TUSC3: variants seen among roughly 807,000 people sequenced by gnomAD.
TUSC3 encodes tumor suppressor candidate 3.
A neutral mutation model predicts 44.8 loss-of-function variants in TUSC3; 45 were observed. That is an observed-to-expected ratio of 1.00 (90% CI 0.79 to 1.29). The LOEUF is 1.29. TUSC3 is among the 50% of genes most tolerant of loss of function. TUSC3 has a pLI of 0.00. For missense variants in TUSC3, 519 were observed against 437.9 expected, an observed-to-expected ratio of 1.19 and a Z score of -1.65; for synonymous variants, 212 against 152.9, an observed-to-expected ratio of 1.39 and a Z score of -2.85.
At chr8:15,546,490 A>C (rs1180696131) in intron 1 of TUSC3, among the ~76,000 whole-genome samples, 2 of 151,794 alleles carry the variant, frequency 1.3e-5, no homozygotes, top group African/African-American at 2.4e-5. Flanking sequence ...ATATATAAAT[A>C]GATTGAATAT....
chr8:15,506,643 G>T (rs1350073966), intron 2 of TUSC3, among the ~76,000 whole-genome samples: 1 of 152,172 alleles, frequency 6.6e-6, no homozygotes, highest in South Asian at 2.1e-4. Flanking sequence ...GTGTGCAGGG[G>T]AAGTGCCTTT....
chr8:15,483,015 C>T (rs1266243152), intron 1 of TUSC3, among the ~76,000 whole-genome samples: 5 of 151,526 alleles, frequency 3.3e-5, no homozygotes, highest in Admixed American at 2.6e-4. Flanking sequence ...GATAATTTAA[C>T]AGTCACAGAC....
chr8:15,625,832 C>T (rs958949824), intron 2 of TUSC3, among the ~76,000 whole-genome samples: 8 of 152,174 alleles, frequency 5.3e-5, no homozygotes, highest in African/African-American at 1.7e-4. Flanking sequence ...GAGTAGAGAA[C>T]ATGGTGAGCA....
chr8:15,506,831 A>G (rs1010326223), intron 2 of TUSC3, among the ~76,000 whole-genome samples: 2 of 152,162 alleles, frequency 1.3e-5, no homozygotes, highest in Non-Finnish European at 2.9e-5. Flanking sequence ...CATTCCAGAA[A>G]GGGCCCTGCC....
chr8:15,730,962 A>G (rs1475473423), intron 7 of TUSC3, among the ~76,000 whole-genome samples: 1 of 152,078 alleles, frequency 6.6e-6, no homozygotes, highest in Non-Finnish European at 1.5e-5. Context: ...GTTGAATTTC[A>G]GAGTATTACT....
chr8:15,688,742 G>A (rs924644596), intron 6 of TUSC3, among the ~76,000 whole-genome samples: 1 of 152,054 alleles, frequency 6.6e-6, no homozygotes, highest in Non-Finnish European at 1.5e-5. Flanking sequence ...CTCTCTGTAT[G>A]CCAGGGAGGA....
chr8:15,735,949 C>T (rs966217503), intron 7 of TUSC3, among the ~76,000 whole-genome samples: 15 of 150,698 alleles, frequency 1.0e-4, no homozygotes, highest in Admixed American at 3.3e-4. Flanking sequence ...AGGATGGTCT[C>T]GATCTCCTGA....
At chr8:15,521,828 G>C (rs1229736808) in intron 2 of TUSC3, among the ~76,000 whole-genome samples, 4 of 152,164 alleles carry the variant, frequency 2.6e-5, no homozygotes, top group Non-Finnish European at 5.9e-5. Flanking sequence ...GTCAAGGGTA[G>C]ACCCAAGGCC....
At chr8:15,636,527 A>C (rs1421610764) in intron 2 of TUSC3, among the ~76,000 whole-genome samples, 3 of 152,212 alleles carry the variant, frequency 2.0e-5, no homozygotes, top group Non-Finnish European at 4.4e-5. Flanking sequence ...TGCCATCCAG[A>C]AATCAAACTG....
At chr8:15,515,833 A>AT (rs111425082) in intron 2 of TUSC3, among the ~76,000 whole-genome samples, 46 of 150,028 alleles carry the variant, frequency 3.1e-4, no homozygotes, top group African/African-American at 8.1e-4. Context: ...ACACCCGGCT[A>AT]TTTTTTTTTG....
intron 1 of TUSC3, among the ~76,000 whole-genome samples, chr8:15,611,950 T>C (rs929898686): frequency 1.3e-5 from 2 of 152,244 alleles, no homozygotes; most frequent in African/African-American, 4.8e-5. Flanking sequence ...GTTTGGTTTA[T>C]CGTTGGGTTT....
At chr8:15,703,890 C>T (rs1809506065) in intron 6 of TUSC3, among the ~76,000 whole-genome samples, 2 of 152,140 alleles carry the variant, frequency 1.3e-5, no homozygotes, top group African/African-American at 2.4e-5. Context: ...TTCATTAGCT[C>T]ATTCGCTCAG....
At chr8:15,570,203 A>G (rs1284078783) in intron 1 of TUSC3, among the ~76,000 whole-genome samples, 2 of 151,676 alleles carry the variant, frequency 1.3e-5, no homozygotes, top group Admixed American at 1.3e-4. Flanking sequence ...AGAGTAATTT[A>G]TTTCACAAAA....
At chr8:15,628,865 A>C (rs1236281334) in intron 2 of TUSC3, among the ~76,000 whole-genome samples, 2 of 152,166 alleles carry the variant, frequency 1.3e-5, no homozygotes, top group Admixed American at 1.3e-4. Context: ...TGTGAAGTGG[A>C]TTAGGAGAAT....
In TUSC3 at chr8:15,551,151, G is replaced by C. The variant is rs183298260; in HGVS notation, c.138+10583G>C. The stretch of plus-strand genomic sequence containing the variant: ...TCTGAACATGGTAAATGCAGAAAAA[G>C]TTTCCCATTAGTTCTCTGAAATTAC... On this transcript the variant is annotated intron_variant, in intron 1 of 10. Transcript: ENST00000503731. Among the ~76,000 whole-genome samples, 29 of 151,758 alleles carry C rather than the reference G, an allele frequency of 1.9e-4. 1 individual carries two copies. Among genetic ancestry groups the C allele is most frequent in the South Asian group, 1.3e-3 (6 of 4,790 alleles).
intron 6 of TUSC3, among the ~76,000 whole-genome samples, chr8:15,692,375 G>GTTTTTTTTTTTTTT (rs59838929): frequency 2.0e-4 from 14 of 68,340 alleles, no homozygotes; most frequent in East Asian, 5.1e-4. Context: ...CCCCCCCTTT[G>GTTTTTTTTTTTTTT]TTTTTTTTTT....
intron 1 of TUSC3, among the ~76,000 whole-genome samples, chr8:15,589,189 G>T (rs1370007604): frequency 6.6e-6 from 1 of 152,024 alleles, no homozygotes; most frequent in Non-Finnish European, 1.5e-5. Context: ...TTTACTTTGA[G>T]CCTATATGTG....
chr8:15,748,291 A>C, intron 8 of TUSC3, 84 bp from the exon 9 acceptor site: 1 of 1,009,074 alleles, frequency 9.9e-7, no homozygotes, highest in Non-Finnish European at 1.6e-6. Flanking sequence ...AGTATACTGT[A>C]ATTGAATGCA....
chr8:15,764,431 C>T lies in TUSC3; in HGVS notation c.*275C>T, dbSNP rs762139750. ...AGGAAATATCAAAGTGTTTTTCAAGCCTGTTATATTCAGTGTGTGCCACAG... is the reference window on the plus strand; with the variant it reads ...AGGAAATATCAAAGTGTTTTTCAAGTCTGTTATATTCAGTGTGTGCCACAG... On this transcript the variant is annotated 3_prime_UTR_variant, in exon 11 of 11. Transcript: ENST00000503731. The T allele has an allele frequency of 3.1e-5, 16 of 510,688 alleles. No individual in the cohort carries two copies. Among genetic ancestry groups the T allele is most frequent in the African/African-American group, 2.9e-4 (15 of 51,208 alleles). The allele number at this position is 510,688 out of a possible 1,614,324, so 31.6% of individuals were successfully genotyped here. A position where few individuals can be genotyped will look rare whatever the true frequency, so the allele number is the denominator to read the frequency against.
Sources: allele counts gnomAD v4.1 joint callset (sites outside exome capture counted in the v4.1 genomes callset), GRCh38; gene constraint gnomAD v4.1.1; transcripts MANE v1.5; gene names NCBI Gene and HGNC (gene_info 2026-07-23, HGNC 2026-07-21).